PBX3: variants seen among roughly 807,000 people sequenced by gnomAD.
PBX3 encodes pre-B-cell leukemia transcription factor 3.
In PBX3, 14 loss-of-function variants were observed where a neutral mutation model predicts 48.5. The ratio of observed to expected loss-of-function variants is 0.29; its 90% CI spans 0.19 to 0.45. The LOEUF is 0.45. Ranked by LOEUF, PBX3 falls within the 20% of genes least tolerant of loss-of-function variation. The pLI is 1.00. For missense variants in PBX3, 386 were observed against 546.7 expected (o/e 0.71, Z 2.93); for synonymous variants, 210 against 200.3 (o/e 1.05, Z -0.41).
At chr9:125,911,313 C>T (rs558428234) in intron 2 of PBX3, among the ~76,000 whole-genome samples, 1 of 152,226 alleles carries the variant, frequency 6.6e-6, no homozygotes, top group African/African-American at 2.4e-5. Context: ...AGTAGCAACA[C>T]GTCTGTCTTA....
intron 2 of PBX3, among the ~76,000 whole-genome samples, chr9:125,761,531 T>C (rs1836667234): frequency 6.6e-6 from 1 of 152,114 alleles, no homozygotes; most frequent in Non-Finnish European, 1.5e-5. Flanking sequence ...AGGTGTATTA[T>C]GGCTTTTGTC....
chr9:125,758,361 T>C (rs557358217), intron 2 of PBX3, among the ~76,000 whole-genome samples: 65 of 152,304 alleles, frequency 4.3e-4, no homozygotes, highest in African/African-American at 1.5e-3. Flanking sequence ...ATGTTACTTT[T>C]AAATTTCTAA....
At chr9:125,899,036 G>A (rs117691340) in intron 2 of PBX3, among the ~76,000 whole-genome samples, 3,091 of 150,938 alleles carry the variant, frequency 0.02, 40 homozygotes, top group Non-Finnish European at 0.031. Flanking sequence ...CCAATAAGTC[G>A]TTTGGTAAAA....
intron 2 of PBX3, among the ~76,000 whole-genome samples, chr9:125,828,594 A>G (rs1475746154): frequency 6.6e-6 from 1 of 152,124 alleles, no homozygotes; most frequent in East Asian, 1.9e-4. Flanking sequence ...CAGTTTTTTA[A>G]ACTACTTTCT....
At position 125,966,249 on chromosome 9, in the gene PBX3, G is replaced by A; in HGVS notation, c.*326G>A. On this transcript the variant is annotated 3_prime_UTR_variant, in exon 9 of 9. Transcript: ENST00000373489. ...CAGTTGCCAATTACTTGGCCTTAAG[G>A]GTAAAAAGTACAATATACACTAAAC... 5.2e-6 allele frequency: 1 copy of A among 192,998 alleles called. No homozygotes were observed. Among genetic ancestry groups the A allele is most frequent in the Non-Finnish European group, 1.1e-5 (1 of 93,132 alleles). The allele number at this position is 192,998 out of a possible 1,614,324, so 12.0% of individuals were successfully genotyped here.
intron 2 of PBX3, among the ~76,000 whole-genome samples, chr9:125,890,537 G>A (rs961041529): frequency 3.3e-5 from 5 of 152,168 alleles, no homozygotes; most frequent in Non-Finnish European, 7.3e-5. Flanking sequence ...TTTAAATACG[G>A]ACACCATAGA....
At chr9:125,926,068 T>C (rs1185223059) in intron 3 of PBX3, among the ~76,000 whole-genome samples, 1 of 152,280 alleles carries the variant, frequency 6.6e-6, no homozygotes, top group Non-Finnish European at 1.5e-5. Flanking sequence ...CAATTATCTT[T>C]GTTTTACTGA....
chr9:125,890,128 A>G (rs190613410), intron 2 of PBX3, among the ~76,000 whole-genome samples: 13 of 152,156 alleles, frequency 8.5e-5, no homozygotes, highest in African/African-American at 3.1e-4. Context: ...TGGCGATGGT[A>G]GAGGATGCAT....
At chr9:125,884,146 G>C (rs1840445442) in intron 2 of PBX3, among the ~76,000 whole-genome samples, 1 of 152,218 alleles carries the variant, frequency 6.6e-6, no homozygotes, top group South Asian at 2.1e-4. Flanking sequence ...GGGGCTGTGT[G>C]AATGTGCCAT....
At chr9:125,830,432 ATGTT>A (rs1421184787) in intron 2 of PBX3, among the ~76,000 whole-genome samples, 2 of 152,112 alleles carry the variant, frequency 1.3e-5, no homozygotes, top group Non-Finnish European at 2.9e-5. Context: ...GGTGATAGTA[ATGTT>A]TGTGTTTATT....
chr9:125,868,684 C>T (rs1009434600), intron 2 of PBX3, among the ~76,000 whole-genome samples: 2 of 152,216 alleles, frequency 1.3e-5, no homozygotes, highest in Admixed American at 6.5e-5. Flanking sequence ...AGAGTACTCT[C>T]ACAGAGTGAA....
intron 2 of PBX3, among the ~76,000 whole-genome samples, chr9:125,796,457 G>C (rs1588154496): frequency 1.3e-5 from 2 of 152,128 alleles, no homozygotes; most frequent in African/African-American, 4.8e-5. Context: ...CTTTAAAGTT[G>C]AGTGGAAATT....
chr9:125,960,188 A>G (rs1842396230), intron 5 of PBX3, among the ~76,000 whole-genome samples: 1 of 152,250 alleles, frequency 6.6e-6, no homozygotes, highest in Non-Finnish European at 1.5e-5. Context: ...TCTGAGGCAA[A>G]AGACAAAGGG....
intron 2 of PBX3, among the ~76,000 whole-genome samples, chr9:125,761,128 A>G (rs1218577124): frequency 6.6e-6 from 1 of 152,176 alleles, no homozygotes; most frequent in South Asian, 2.1e-4. Context: ...ACCATTAATG[A>G]AGTGCAACAT....
chr9:125,949,401 AAG>A, intron 5 of PBX3: 2 of 1,550,864 alleles, frequency 1.3e-6, no homozygotes, highest in Non-Finnish European at 1.7e-6. Context: ...ATCCAAAAGA[AAG>A]AGGGAGCAAA....
At chr9:125,749,556 C>G (rs979008486) in intron 2 of PBX3, 1 of 131,616 alleles carries the variant, frequency 7.6e-6, no homozygotes, top group African/African-American at 2.8e-5. Flanking sequence ...CTGTTCTTTT[C>G]TTTCTTTTTT....
intron 2 of PBX3, among the ~76,000 whole-genome samples, chr9:125,757,888 T>C (rs889962330): frequency 6.6e-6 from 1 of 152,224 alleles, no homozygotes; most frequent in African/African-American, 2.4e-5. Context: ...TCACTTGTTA[T>C]TCAAATAAGT....
intron 2 of PBX3, among the ~76,000 whole-genome samples, chr9:125,835,015 C>CAAAAAAA (rs745638368): frequency 7.9e-5 from 2 of 25,174 alleles, no homozygotes; most frequent in African/African-American, 1.6e-4. Context: ...AACTCTGTCT[C>CAAAAAAA]AAAAAAAAAA....
intron 2 of PBX3, among the ~76,000 whole-genome samples, chr9:125,868,050 T>G (rs1232447353): frequency 6.6e-6 from 1 of 152,112 alleles, no homozygotes; most frequent in Admixed American, 6.6e-5. Context: ...AATTTTCATA[T>G]TTTTTGTAGA....
Sources: gnomAD v4.1 joint callset for allele counts (sites outside exome capture counted in the v4.1 genomes callset) on GRCh38, gnomAD v4.1.1 for gene constraint, MANE v1.5 for transcripts, NCBI Gene and HGNC (gene_info 2026-07-23, HGNC 2026-07-21) for gene names.